The following INO80 variants were observed in gnomAD, a reference collection of about 807,000 sequenced individuals.
INO80 encodes the protein chromatin-remodeling ATPase INO80.
Under a neutral mutation model 203.4 loss-of-function variants are expected in INO80, and 20 were observed. The ratio of observed to expected loss-of-function variants is 0.10; its 90% CI spans 0.07 to 0.14. The LOEUF is 0.14. INO80 is among the 10% of genes least tolerant of loss of function. The pLI is 1.00. For synonymous variants in INO80, 726 were observed against 685.2 expected (o/e 1.06, Z -0.93); for missense variants, 1,419 against 1,914.4 (o/e 0.74, Z 4.83).
In INO80 at chr15:41,050,037, G is replaced by T; in HGVS notation, c.2340C>A (p.Asn780Lys). The T allele has an allele frequency of 2.5e-6, 4 of 1,613,996 alleles. No individual in the cohort carries two copies. The highest frequency in any genetic ancestry group is 3.4e-6 in the Non-Finnish European group (4 of 1,179,864). ...RQKLLYQALKNKISIEDLLQS... is the reference protein window; with the variant it reads ...RQKLLYQALKKKISIEDLLQS... ...GCAATAAATCCTCAATGGAAATTTT[G>T]TTCTTTAGTGCCTGATATAGCAGCT... Residue 780 changes from asparagine (N) to lysine (K), a missense_variant, in exon 20 of 36, where the codon AAC becomes AAA. By Grantham distance (94) the Asn-to-Lys change is moderately conservative. This residue lies in a region of INO80 where 192 missense variants were observed against 406.7 expected (regional missense o/e 0.47). Transcript: ENST00000648947.
intron 25 of INO80, among the ~76,000 whole-genome samples, chr15:41,027,081 T>C (rs1192557044): frequency 6.6e-6 from 1 of 152,200 alleles, no homozygotes. Flanking sequence ...TGAATGACAG[T>C]CCAAGTGAGG....
chr15:41,066,295 G>C (rs926715252), intron 14 of INO80, among the ~76,000 whole-genome samples: 1 of 151,586 alleles, frequency 6.6e-6, no homozygotes, highest in African/African-American at 2.4e-5. Context: ...TTATAAGCTT[G>C]GTCTGCAGGC....
intron 29 of INO80, among the ~76,000 whole-genome samples, chr15:40,994,835 G>C (rs906630205): frequency 3.3e-5 from 5 of 152,162 alleles, no homozygotes; most frequent in African/African-American, 1.2e-4. Context: ...TTAAACATTT[G>C]TTGAATGAAT....
At chr15:41,005,835 G>T in intron 27 of INO80, 148 bp from the exon 28 acceptor site, 2 of 473,362 alleles carry the variant, frequency 4.2e-6, no homozygotes, top group Non-Finnish European at 3.8e-6. Flanking sequence ...AAGAGTACAA[G>T]AAGTTAATCT....
chr15:41,087,611 G>A lies in INO80; in HGVS notation c.609C>T (p.His203=), dbSNP rs2045580790. Residue 203 remains histidine (H), a synonymous_variant, in exon 6 of 36, where the codon CAC becomes CAT. Coordinates refer to ENST00000648947, the MANE Select transcript of INO80 (RefSeq NM_017553.3). ...ATTTCTTTTTCTTGGGTCCAAGTAG[G>A]TGCCGTTGTTGCTCATAGAAAGGGT... ...TYDPFYEQQR[H]LLGPKKKKFK... is the part of the protein sequence containing the mutation. 2.5e-6 allele frequency: 4 copies of A among 1,613,852 alleles called. No individual in the cohort carries two copies. The highest frequency in any genetic ancestry group is 2.7e-5 in the African/African-American group (2 of 75,002).
chr15:41,020,970 G>A lies in INO80; in HGVS notation c.3204C>T (p.Phe1068=). The A allele has an allele frequency of 6.2e-7, 1 of 1,614,156 alleles. No homozygotes were observed. The highest frequency in any genetic ancestry group is 8.5e-7 in the Non-Finnish European group (1 of 1,180,004). ...AADWLNRRSQ[F]FPEPAGGLWS... ...ACAGACCTCCAGCTGGCTCTGGGAAGAACTGTGATCGTCTATTTAGCCAGT... is the reference window on the plus strand; with the variant it reads ...ACAGACCTCCAGCTGGCTCTGGGAAAAACTGTGATCGTCTATTTAGCCAGT... Residue 1068 remains phenylalanine (F), a synonymous_variant, in exon 26 of 36, where the codon TTC becomes TTT. Coordinates refer to ENST00000648947, the MANE Select transcript of INO80 (RefSeq NM_017553.3).
chr15:41,018,203 G>A (rs1431141806), intron 26 of INO80: 1 of 151,924 alleles, frequency 6.6e-6, no homozygotes, highest in Non-Finnish European at 1.5e-5. Context: ...TCTGTAGCCT[G>A]CTTATCTTCT....
rs750314702 is a variant in INO80 at position 41,027,680 on chromosome 15, G to A, written c.2964C>T (p.Val988=). 3 of 1,613,562 alleles carry A rather than the reference G, an allele frequency of 1.9e-6. No individual in the cohort carries two copies. In the South Asian group the frequency reaches 3.3e-5, roughly 18 times the overall value. The change falls in exon 25 of 36, where the codon GTC becomes GTT. Residue 988 remains valine (V), a synonymous_variant. Coordinates refer to ENST00000648947, the MANE Select transcript of INO80 (RefSeq NM_017553.3). ...AGGAGGTAGCTGATCTCCGCTGATG[G>A]ACAACCTGGTCTGAGTAGCCACTCA... ...KAVSGYSDQV[V]HQRRSATSSL...
At chr15:41,004,362 T>C (rs1207679065) in intron 28 of INO80, among the ~76,000 whole-genome samples, 1 of 152,252 alleles carries the variant, frequency 6.6e-6, no homozygotes, top group African/African-American at 2.4e-5. Context: ...TAAACTATGC[T>C]TTAGAACTGA....
chr15:41,047,813 C>A (rs1184634029), intron 22 of INO80, among the ~76,000 whole-genome samples: 1 of 152,118 alleles, frequency 6.6e-6, no homozygotes, highest in Admixed American at 6.5e-5. Flanking sequence ...AAGGACAGGA[C>A]AGAGGTGAAA....
intron 1 of INO80, among the ~76,000 whole-genome samples, chr15:41,100,913 C>G (rs1376333365): frequency 6.6e-6 from 1 of 151,376 alleles, no homozygotes; most frequent in African/African-American, 2.4e-5. Flanking sequence ...ACTACAATCT[C>G]CGCCTCCTGG....
At chr15:41,069,002 G>C (rs2045268470) in intron 14 of INO80, among the ~76,000 whole-genome samples, 1 of 152,146 alleles carries the variant, frequency 6.6e-6, no homozygotes, top group African/African-American at 2.4e-5. Context: ...AACCAAATAA[G>C]GTAGATGTTT....
At position 41,046,046 on chromosome 15, in the gene INO80, A is replaced by G. The variant is rs138299583; in HGVS notation, c.2736-971T>C. Among the ~76,000 whole-genome samples, 224 of 151,690 alleles carry G rather than the reference A, an allele frequency of 1.5e-3. 3 individuals carry two copies. The highest frequency in any genetic ancestry group is 1.8e-3 in the Non-Finnish European group (120 of 67,924). On this transcript the variant is annotated intron_variant, in intron 23 of 35. Transcript: ENST00000648947. ...ACTTGAGGCAGGCTATGCTGCAATC[A>G]CTAACTAAATGAATCACCAGCCTCC...
In INO80 at chr15:41,027,588, G is replaced by C; in HGVS notation, c.3048+8C>G. ...TCTATTTCATCTCTTCCCTCCTGGA[G>C]CACTTACTCGTGGACTGGCCACACA... On this transcript the variant is annotated splice_region_variant and intron_variant, in intron 25 of 35. Coordinates refer to ENST00000648947, the MANE Select transcript of INO80 (RefSeq NM_017553.3). 1 of 1,592,958 alleles carries C rather than the reference G, an allele frequency of 6.3e-7. No individual in the cohort carries two copies. The highest frequency in any genetic ancestry group is 8.6e-7 in the Non-Finnish European group (1 of 1,169,444).
chr15:40,998,647 G>C (rs373275849), intron 28 of INO80, among the ~76,000 whole-genome samples: 14 of 151,596 alleles, frequency 9.2e-5, no homozygotes, highest in African/African-American at 3.4e-4. Flanking sequence ...GATCACAAAG[G>C]ACAAGTTTTG....
intron 1 of INO80, 108 bp downstream of exon 1, chr15:41,115,865 G>A (rs1276528696): frequency 8.0e-6 from 3 of 373,016 alleles, no homozygotes; most frequent in African/African-American, 6.3e-5. Context: ...CAAGGGCCGG[G>A]GGCGACGGCC....
intron 27 of INO80, among the ~76,000 whole-genome samples, chr15:41,008,250 C>T (rs940406512): frequency 2.6e-5 from 4 of 151,574 alleles, no homozygotes; most frequent in African/African-American, 9.7e-5. Context: ...CACACACACA[C>T]ACACGAATAT....
At chr15:40,985,153 C>T (rs756883573) in intron 32 of INO80, among the ~76,000 whole-genome samples, 185 bp downstream of exon 32, 3 of 152,068 alleles carry the variant, frequency 2.0e-5, no homozygotes, top group Non-Finnish European at 2.9e-5. Flanking sequence ...GTGGAGAGTA[C>T]AGATCTACCA....
chr15:40,984,146 G>T (rs138393620), intron 33 of INO80, 51 bp downstream of exon 33: 1 of 1,581,602 alleles, frequency 6.3e-7, no homozygotes, highest in Non-Finnish European at 8.7e-7. Context: ...CCTGCTACAC[G>T]GTCAGGACAC....
Sources: allele counts gnomAD v4.1 joint callset (sites outside exome capture counted in the v4.1 genomes callset), GRCh38; gene constraint gnomAD v4.1.1; regional missense constraint gnomAD v4.1.1; transcripts MANE v1.5; gene names NCBI Gene and HGNC (gene_info 2026-07-23, HGNC 2026-07-21).